The following TNRC6C variants were observed in gnomAD, a reference collection of about 807,000 sequenced individuals.
The protein encoded by TNRC6C is trinucleotide repeat-containing gene 6C protein.
A neutral mutation model predicts 153.7 loss-of-function variants in TNRC6C; 20 were observed. The ratio of observed to expected loss-of-function variants is 0.13; its 90% CI spans 0.09 to 0.19. The LOEUF (loss-of-function observed/expected upper bound fraction) is 0.19, where lower values mean the gene tolerates loss of function less well. TNRC6C is among the 10% of genes least tolerant of loss of function. TNRC6C has a pLI of 1.00. For missense variants in TNRC6C, 1,987 were observed against 2,172.0 expected, an observed-to-expected ratio of 0.91 and a Z score of 1.69; for synonymous variants, 811 against 841.4, an observed-to-expected ratio of 0.96 and a Z score of 0.63.
intron 1 of TNRC6C, among the ~76,000 whole-genome samples, chr17:77,968,391 G>T (rs2144049985): frequency 6.6e-6 from 1 of 151,644 alleles, no homozygotes; most frequent in South Asian, 2.1e-4. Context: ...GCCCAGACTA[G>T]AGTGCGGTAG....
At chr17:78,093,550 C>T in intron 15 of TNRC6C, 70 bp from the exon 18 acceptor site, 2 of 1,574,284 alleles carry the variant, frequency 1.3e-6, no homozygotes. Flanking sequence ...GACAAAACAT[C>T]TTTTAAAATT....
chr17:78,078,648 G>A (rs2073124867), intron 9 of TNRC6C, among the ~76,000 whole-genome samples: 1 of 152,140 alleles, frequency 6.6e-6, no homozygotes, highest in Admixed American at 6.6e-5. Context: ...TAGCCTTCTT[G>A]TTGTATAAAC....
At position 77,969,078 on chromosome 17, in the gene TNRC6C, A is replaced by G. The variant is rs547695321; in HGVS notation, c.-38+9810A>G. On this transcript the variant is annotated intron_variant, in intron 1 of 22. Coordinates refer to the TNRC6C transcript ENST00000636222. ...ACTGGCAGTTTATTGAGTGCCTACC[A>G]TGTGCCAAGTACAGAGCACTTAATA... is the stretch of plus-strand genomic sequence containing the variant. Among the ~76,000 whole-genome samples the G allele has an allele frequency of 3.5e-4, 54 of 152,244 alleles. 1 individual carries two copies. The South Asian group carries it at 4.4e-3, about 12-fold the overall frequency.
At chr17:77,980,520 G>C (rs2071060542) in intron 1 of TNRC6C, among the ~76,000 whole-genome samples, 1 of 152,158 alleles carries the variant, frequency 6.6e-6, no homozygotes, top group African/African-American at 2.4e-5. Flanking sequence ...ATGTGTGAGG[G>C]TTTCTTCTCA....
chr17:78,056,584 C>A (rs2072659914), intron 3 of TNRC6C, among the ~76,000 whole-genome samples: 1 of 152,004 alleles, frequency 6.6e-6, no homozygotes, highest in African/African-American at 2.4e-5. Flanking sequence ...GTGCCTCAGC[C>A]TCCCGAGTAG....
At chr17:78,062,562 G>T (rs1434954400) in intron 3 of TNRC6C, among the ~76,000 whole-genome samples, 1 of 152,180 alleles carries the variant, frequency 6.6e-6, no homozygotes, top group African/African-American at 2.4e-5. Context: ...TGAGCAAAAT[G>T]TATCTATATG....
intron 2 of TNRC6C, among the ~76,000 whole-genome samples, chr17:78,034,470 AC>A (rs758424537): frequency 3.3e-5 from 5 of 149,404 alleles, no homozygotes; most frequent in Non-Finnish European, 7.4e-5. Flanking sequence ...TGCCCCCCCA[AC>A]CCCCACTTTA....
chr17:78,067,302 C>T (rs746027669), intron 4 of TNRC6C, among the ~76,000 whole-genome samples: 5 of 152,100 alleles, frequency 3.3e-5, no homozygotes, highest in Non-Finnish European at 5.9e-5. Context: ...GCTGTGATTG[C>T]ACTACTATAA....
chr17:78,086,328 TAAAAAAAAAAAAAAAAAA>T (rs58348772), intron 11 of TNRC6C, among the ~76,000 whole-genome samples, 157 bp from the exon 14 acceptor site: 15 of 53,374 alleles, frequency 2.8e-4, no homozygotes, highest in South Asian at 6.8e-4. Context: ...AGACTCCATC[TAAAAAAAAAAAAAAAAAA>T]AAAAAAAAAA....
intron 1 of TNRC6C, among the ~76,000 whole-genome samples, chr17:78,017,857 T>C (rs1339824617): frequency 2.6e-5 from 4 of 152,284 alleles, no homozygotes; most frequent in African/African-American, 9.6e-5. Context: ...AGGTACGAGG[T>C]GCGCACACAT....
rs772056492 is a variant in TNRC6C, at chr17:78,102,548, C to T, written c.4572+4C>T. 6.3e-7 allele frequency: 1 copy of T among 1,596,996 alleles called. No homozygotes were observed. The highest frequency in any genetic ancestry group is 1.1e-5 in the South Asian group (1 of 87,926). On this transcript the variant is annotated splice_donor_region_variant and intron_variant, in intron 18 of 19. Coordinates refer to ENST00000301624, the Ensembl canonical transcript of TNRC6C. ...TCTTCGAAACCTCACTCCCCAGGTG[C>T]AATATGGTGCCCCTGCATCACTGAG...
chr17:78,103,639 G>T, intron 19 of TNRC6C, 86 bp downstream of exon 22: 1 of 1,555,450 alleles, frequency 6.4e-7, no homozygotes, highest in Non-Finnish European at 8.7e-7. Context: ...GGGGTGTCCT[G>T]AGCCACCATA....
At chr17:78,046,565 T>C (rs2072415319) in intron 2 of TNRC6C, among the ~76,000 whole-genome samples, 1 of 152,188 alleles carries the variant, frequency 6.6e-6, no homozygotes, top group Admixed American at 6.5e-5. Flanking sequence ...TTATATGATA[T>C]CTTTTGTTAT....
chr17:78,024,800 CTT>C (rs879335860), intron 1 of TNRC6C, among the ~76,000 whole-genome samples: 1 of 144,140 alleles, frequency 6.9e-6, no homozygotes. Flanking sequence ...AGTATTGATA[CTT>C]TTTTTTTTTT....
chr17:77,969,776 T>G (rs965282020), intron 1 of TNRC6C, among the ~76,000 whole-genome samples: 2 of 152,010 alleles, frequency 1.3e-5, no homozygotes, highest in African/African-American at 4.8e-5. Flanking sequence ...ATTCCTTTAT[T>G]TTTCCTGCCA....
intron 1 of TNRC6C, among the ~76,000 whole-genome samples, chr17:77,961,244 C>T (rs533636606): frequency 6.6e-6 from 1 of 152,096 alleles, no homozygotes; most frequent in South Asian, 2.1e-4. Context: ...CAACCTCCGC[C>T]TCCCGGGTTC....
intron 16 of TNRC6C, among the ~76,000 whole-genome samples, chr17:78,095,269 G>A (rs1165254242): frequency 6.6e-6 from 1 of 152,226 alleles, no homozygotes; most frequent in African/African-American, 2.4e-5. Context: ...AAGATGGCCC[G>A]AGAAACACGT....
chr17:78,077,469 C>CCAGGATTTAGTTGAAG (rs1196997788), intron 9 of TNRC6C, 135 bp downstream of exon 11: 3 of 1,172,682 alleles, frequency 2.6e-6, no homozygotes, highest in Non-Finnish European at 3.6e-6. Flanking sequence ...AGTTGAAATA[C>CCAGGATTTAGTTGAAG]TACCAGGATT....
chr17:78,027,045 A>G (rs953047588), intron 1 of TNRC6C, among the ~76,000 whole-genome samples: 6 of 152,178 alleles, frequency 3.9e-5, no homozygotes, highest in Non-Finnish European at 7.3e-5. Context: ...GTGGACAACA[A>G]AGCCATAAAA....
Sources: gnomAD v4.1 joint callset for allele counts (sites outside exome capture counted in the v4.1 genomes callset) on GRCh38, gnomAD v4.1.1 for gene constraint, MANE v1.5 for transcripts, NCBI Gene and HGNC (gene_info 2026-07-23, HGNC 2026-07-21) for gene names.